The following AGAP3 variants were observed in gnomAD, a reference collection of about 807,000 sequenced individuals.
AGAP3 encodes the protein ArfGAP with GTPase domain, ankyrin repeat and PH domain 3.
AGAP3 carries 24 observed loss-of-function variants against 96.9 expected under a neutral mutation model. The observed-to-expected ratio is 0.25, with a 90% CI of 0.18 to 0.35. AGAP3 has a LOEUF of 0.35. Among genes scored for constraint, AGAP3 ranks in the 10% least tolerant of loss-of-function variants. AGAP3 has a pLI of 1.00. For synonymous variants in AGAP3, 563 were observed against 536.1 expected, an observed-to-expected ratio of 1.05 and a Z score of -0.69; for missense variants, 876 against 1,254.2, an observed-to-expected ratio of 0.70 and a Z score of 4.55.
At chr7:151,088,075 C>G (rs894679017) in intron 1 of AGAP3, among the ~76,000 whole-genome samples, 1 of 152,242 alleles carries the variant, frequency 6.6e-6, no homozygotes, top group South Asian at 2.1e-4. Context: ...AGGCCTTTTG[C>G]GATAACATGG....
In AGAP3 at chr7:151,087,033, C is replaced by T. The variant is rs1230295780; in HGVS notation, c.292C>T (p.Leu98=). ...DLIERIEDLA[L]QNQIREHVIS... Reference sequence around the variant, plus strand: ...GATCGAGCGCATCGAGGATTTGGCGCTGCAGAACCAGATCCGGGAGCACGT... The same window carrying T: ...GATCGAGCGCATCGAGGATTTGGCGTTGCAGAACCAGATCCGGGAGCACGT... Residue 98 remains leucine (L), a synonymous_variant, in exon 1 of 18, where the codon CTG becomes TTG. Transcript: ENST00000397238. The T allele has an allele frequency of 2.5e-6, 4 of 1,612,338 alleles. No individual in the cohort carries two copies. The highest frequency in any genetic ancestry group is 1.3e-5 in the African/African-American group (1 of 75,016).
Position 151,106,720 on chromosome 7 carries a change from G to A in AGAP3, c.332-10073G>A, listed in dbSNP as rs142959778. Among the ~76,000 whole-genome samples, 441 of 151,892 alleles carry A rather than the reference G, an allele frequency of 2.9e-3. 2 individuals are homozygous for A. Among genetic ancestry groups the A allele is most frequent in the African/African-American group, 0.01 (418 of 41,430 alleles). On this transcript the variant is annotated intron_variant, in intron 1 of 17. Coordinates refer to ENST00000397238, the MANE Select transcript of AGAP3 (RefSeq NM_031946.7). Reference sequence around the variant, plus strand: ...TCGAACTCCTGACCTCAGGTGATTCGCCCGCCTCAGGCTCAGGATTTGAAA... The same window carrying A: ...TCGAACTCCTGACCTCAGGTGATTCACCCGCCTCAGGCTCAGGATTTGAAA...
Position 151,118,163 on chromosome 7 carries a change from C to A in AGAP3, c.707-47C>A. ...CCAAATGCCCCCCACCACACTACCCCAGCTTCTCCGAAAGCTGAATGACTC... is the reference window on the plus strand; with the variant it reads ...CCAAATGCCCCCCACCACACTACCCAAGCTTCTCCGAAAGCTGAATGACTC... On this transcript the variant is annotated intron_variant, in intron 5 of 17. Transcript: ENST00000397238. The surrounding 1 kb of genome is among the most constrained non-coding windows in gnomAD (Gnocchi z 6.1). 1.9e-6 allele frequency: 3 copies of A among 1,571,560 alleles called. No homozygotes were observed. Among genetic ancestry groups the A allele is most frequent in the Non-Finnish European group, 2.6e-6 (3 of 1,153,442 alleles).
chr7:151,135,063 G>A (rs972770786), intron 11 of AGAP3, among the ~76,000 whole-genome samples: 1 of 152,258 alleles, frequency 6.6e-6, no homozygotes, highest in Admixed American at 6.5e-5. Flanking sequence ...CTCCAGTGAA[G>A]AGCTGTTGCG....
intron 8 of AGAP3, chr7:151,122,659 T>C: frequency 6.2e-7 from 1 of 1,600,664 alleles, no homozygotes; most frequent in Non-Finnish European, 8.5e-7. Flanking sequence ...CCCTCACCGG[T>C]GCTGACCGAC....
At chr7:151,106,281 C>T (rs1006741848) in intron 1 of AGAP3, among the ~76,000 whole-genome samples, 1 of 139,748 alleles carries the variant, frequency 7.2e-6, no homozygotes, top group Admixed American at 6.9e-5. Flanking sequence ...GAGGTCTTTC[C>T]TTTTGTCTCT....
At chr7:151,087,228 C>T (rs1798194498) in intron 1 of AGAP3, 156 bp downstream of exon 1, 16 of 779,102 alleles carry the variant, frequency 2.1e-5, no homozygotes, top group Non-Finnish European at 3.1e-5. Flanking sequence ...TGTTGCAGAA[C>T]CGGCGGGCAG....
intron 8 of AGAP3, among the ~76,000 whole-genome samples, chr7:151,121,728 C>A (rs1040225465): frequency 1.3e-5 from 2 of 152,180 alleles, no homozygotes; most frequent in African/African-American, 2.4e-5. Flanking sequence ...CTCACAGCGG[C>A]GACCTTATAT....
chr7:151,128,390 G>A (rs982442241), intron 9 of AGAP3, 190 bp from the exon 10 acceptor site: 11 of 562,172 alleles, frequency 2.0e-5, no homozygotes, highest in African/African-American at 1.3e-4. Flanking sequence ...GGGGAGAGCC[G>A]AGTTCTGGGG....
rs1799158322 is a variant in AGAP3, at chr7:151,108,672, T to C, written c.332-8121T>C. The stretch of plus-strand genomic sequence containing the variant: ...GGGTGGGGCAGAGACTTCAGTCTGC[T>C]TGCCCTGAATGCACTTAGTAAGCAC... On this transcript the variant is annotated intron_variant, in intron 1 of 17. Coordinates refer to ENST00000397238, the MANE Select transcript of AGAP3 (RefSeq NM_031946.7). This position sits in a 1 kb window ranked among gnomAD's most constrained non-coding sequence, Gnocchi z 4.2. Among the ~76,000 whole-genome samples the C allele has an allele frequency of 6.6e-6, 1 of 152,254 alleles. No homozygotes were observed. The highest frequency in any genetic ancestry group is 1.5e-5 in the Non-Finnish European group (1 of 68,038).
At position 151,123,899 on chromosome 7, in the gene AGAP3, CT is replaced by C; in HGVS notation, c.1221+15del. On this transcript the variant is annotated intron_variant, in intron 9 of 17. Transcript: ENST00000397238. ...CCCCATCAAGCAGGTCAGCGCCTCC[CT>C]TCCCGTGTGCTCCAGGGCTCAGAAT... is the stretch of plus-strand genomic sequence containing the variant. The C allele has an allele frequency of 6.2e-7, 1 of 1,602,296 alleles. No homozygotes were observed.
intron 1 of AGAP3, among the ~76,000 whole-genome samples, chr7:151,107,764 G>C: frequency 6.6e-6 from 1 of 152,244 alleles, no homozygotes. Flanking sequence ...TAGCTCATGG[G>C]ACTGCAGCTG....
intron 7 of AGAP3, 98 bp from the exon 8 acceptor site, chr7:151,119,889 C>A (rs573040058): frequency 8.1e-7 from 1 of 1,239,912 alleles, no homozygotes. Flanking sequence ...CCATGAGCCC[C>A]GGCCAGGCCC....
chr7:151,127,825 C>T (rs976825097), intron 9 of AGAP3, among the ~76,000 whole-genome samples: 6 of 152,208 alleles, frequency 3.9e-5, no homozygotes, highest in Non-Finnish European at 8.8e-5. Context: ...CTCCTGCATT[C>T]GTCATCTGAC....
chr7:151,086,402 G>A (rs1217064700), upstream of AGAP3, among the ~76,000 whole-genome samples: 2 of 141,328 alleles, frequency 1.4e-5, no homozygotes, highest in African/African-American at 2.6e-5. Context: ...TGCGTGTGCC[G>A]GAGCCGGCGG....
At position 151,144,021 on chromosome 7, in the gene AGAP3, GAC is replaced by G. The variant is rs1800927278; in HGVS notation, c.*82_*83del. The G allele has an allele frequency of 2.1e-6, 3 of 1,434,586 alleles. No homozygotes were observed. Among genetic ancestry groups the G allele is most frequent in the South Asian group, 2.5e-5 (2 of 79,506 alleles). 88.9% of individuals were successfully genotyped at this position (1,434,586 alleles called of 1,614,324 possible). ...CCTCCCTGCAGGCACTGTGGGAACA[GAC>G]ACAGAGATGGAGAAGCAGGGACATG... is the stretch of plus-strand genomic sequence containing the variant. On this transcript the variant is annotated 3_prime_UTR_variant, in exon 18 of 18. Coordinates refer to ENST00000397238, the MANE Select transcript of AGAP3 (RefSeq NM_031946.7).
chr7:151,120,082 C>A lies in AGAP3; in HGVS notation c.1065C>A (p.Ile355=), dbSNP rs34039109. The A allele has an allele frequency of 6.2e-7, 1 of 1,613,884 alleles. No homozygotes were observed. Among genetic ancestry groups the A allele is most frequent in the Non-Finnish European group, 8.5e-7 (1 of 1,179,942 alleles). ...ISQRELRIET[I]AASSTPTPIR... ...AGCGGGAGCTGCGCATCGAGACCAT[C>A]GCTGCCTCCTCCACCCCCACACCCA... Residue 355 remains isoleucine (I), a synonymous_variant, in exon 8 of 18, where the codon ATC becomes ATA. Coordinates refer to ENST00000397238, the MANE Select transcript of AGAP3 (RefSeq NM_031946.7).
chr7:151,114,055 G>A lies in AGAP3; in HGVS notation c.332-2738G>A, dbSNP rs950343547. Among the ~76,000 whole-genome samples, 1 of 152,226 alleles carries A rather than the reference G, an allele frequency of 6.6e-6. No homozygotes were observed. The highest frequency in any genetic ancestry group is 1.5e-5 in the Non-Finnish European group (1 of 68,042). ...GGAGGTTATCTTTGACTTCTCTGCT[G>A]CCCTTAGGCAGGACGCTTAACTCAG... On this transcript the variant is annotated intron_variant, in intron 1 of 17. Transcript: ENST00000397238. This position sits in a 1 kb window ranked among gnomAD's most constrained non-coding sequence, Gnocchi z 4.4.
At chr7:151,095,839 CTTCTAGA>C (rs1798584879) in intron 1 of AGAP3, among the ~76,000 whole-genome samples, 1 of 148,272 alleles carries the variant, frequency 6.7e-6, no homozygotes, top group Non-Finnish European at 1.5e-5. Flanking sequence ...CCCATTATTA[CTTCTAGA>C]TTGTTCTGGA....
Sources: gnomAD v4.1 joint callset for allele counts (sites outside exome capture counted in the v4.1 genomes callset) on GRCh38, gnomAD v4.1.1 for gene constraint, Gnocchi (gnomAD v3.1) non-coding constraint, MANE v1.5 for transcripts, NCBI Gene and HGNC (gene_info 2026-07-23, HGNC 2026-07-21) for gene names.